Variants in CACNA2D3 observed in about 807,000 individuals in gnomAD.
CACNA2D3 encodes the protein calcium voltage-gated channel auxiliary subunit alpha2delta 3.
In CACNA2D3, 60 loss-of-function variants were observed where a neutral mutation model predicts 160.6. The ratio of observed to expected loss-of-function variants is 0.37; its 90% CI spans 0.30 to 0.46. The LOEUF (loss-of-function observed/expected upper bound fraction) is 0.46, where lower values mean the gene tolerates loss of function less well. Among genes scored for constraint, CACNA2D3 ranks in the 20% least tolerant of loss-of-function variants. The pLI is 1.00. For synonymous variants in CACNA2D3, 558 were observed against 492.9 expected (o/e 1.13, Z -1.75); for missense variants, 1,205 against 1,365.0 (o/e 0.88, Z 1.85).
At chr3:54,729,209 C>T (rs1417391279) in intron 11 of CACNA2D3, among the ~76,000 whole-genome samples, 1 of 152,170 alleles carries the variant, frequency 6.6e-6, no homozygotes, top group Non-Finnish European at 1.5e-5. Context: ...GTGTGAGCCA[C>T]TGCACCCAGC....
At chr3:54,950,880 G>A (rs1701741246) in intron 27 of CACNA2D3, among the ~76,000 whole-genome samples, 1 of 152,178 alleles carries the variant, frequency 6.6e-6, no homozygotes, top group Non-Finnish European at 1.5e-5. Context: ...CAGGAGAGGA[G>A]AGCCACAGAC....
intron 5 of CACNA2D3, among the ~76,000 whole-genome samples, chr3:54,555,439 C>G (rs1702228538): frequency 6.6e-6 from 1 of 152,024 alleles, no homozygotes; most frequent in South Asian, 2.1e-4. Context: ...AGAGAAGACC[C>G]TATGTAGCAT....
intron 4 of CACNA2D3, among the ~76,000 whole-genome samples, chr3:54,465,379 G>C (rs1393971477): frequency 2.0e-5 from 3 of 152,028 alleles, no homozygotes; most frequent in Non-Finnish European, 4.4e-5. Context: ...TACAGTAATT[G>C]CTATAATTGT....
intron 17 of CACNA2D3, among the ~76,000 whole-genome samples, chr3:54,857,759 C>G (rs1364490915): frequency 6.6e-6 from 1 of 152,206 alleles, no homozygotes; most frequent in Non-Finnish European, 1.5e-5. Context: ...TAGACTAGAG[C>G]TTCAAATGCA....
At chr3:55,072,337 A>T (rs1575462812) in intron 35 of CACNA2D3, among the ~76,000 whole-genome samples, 1 of 148,002 alleles carries the variant, frequency 6.8e-6, no homozygotes, top group South Asian at 2.1e-4. Context: ...TTCATGGATC[A>T]TTCTCATGGA....
rs1345234859 is a variant in CACNA2D3, at chr3:54,959,247, G to A, written c.2450-9203G>A. Among the ~76,000 whole-genome samples, 4 of 152,312 alleles carry A rather than the reference G, an allele frequency of 2.6e-5. No homozygotes were observed. The East Asian group carries it at 7.8e-4, about 30-fold the overall frequency. On this transcript the variant is annotated intron_variant, in intron 27 of 37. Coordinates refer to ENST00000474759, the MANE Select transcript of CACNA2D3 (RefSeq NM_018398.3). ...TCCCTGGAGACTGCGGCACAGGGTG[G>A]TGTTCAGTTCACCACAGTTCCCTGT...
chr3:54,163,256 C>T (rs1435238497), intron 2 of CACNA2D3, among the ~76,000 whole-genome samples: 1 of 152,194 alleles, frequency 6.6e-6, no homozygotes, highest in East Asian at 1.9e-4. Flanking sequence ...TGTCCTACAA[C>T]AGCTAATTGT....
intron 10 of CACNA2D3, among the ~76,000 whole-genome samples, chr3:54,636,146 T>A (rs1158683215): frequency 6.6e-6 from 1 of 151,754 alleles, no homozygotes; most frequent in Non-Finnish European, 1.5e-5. Context: ...GGAAAGGAAA[T>A]GAGAGGTTCT....
At chr3:54,853,569 A>C (rs774815333) in intron 17 of CACNA2D3, among the ~76,000 whole-genome samples, 1 of 152,146 alleles carries the variant, frequency 6.6e-6, no homozygotes, top group Admixed American at 6.5e-5. Context: ...GTCCAGCACT[A>C]TGCTATTTAA....
intron 27 of CACNA2D3, among the ~76,000 whole-genome samples, chr3:54,937,002 G>A (rs1223135442): frequency 6.6e-6 from 1 of 152,142 alleles, no homozygotes; most frequent in East Asian, 1.9e-4. Context: ...AGGCAGCTGA[G>A]TGCCGCTGTG....
intron 2 of CACNA2D3, among the ~76,000 whole-genome samples, chr3:54,129,094 T>C (rs997808571): frequency 1.1e-4 from 14 of 125,412 alleles, no homozygotes; most frequent in Non-Finnish European, 2.2e-4. Flanking sequence ...GGATGCTTGA[T>C]TTTTTGTGAT....
At position 54,598,948 on chromosome 3, in the gene CACNA2D3, T is replaced by C. The variant is rs373183373; in HGVS notation, c.963+17071T>C. Among the ~76,000 whole-genome samples the C allele has an allele frequency of 3.2e-4, 49 of 152,294 alleles. 1 individual carries two copies. The highest frequency in any genetic ancestry group is 1.1e-3 in the African/African-American group (47 of 41,574). ...CTGGGTTTTCGTGGCCAGCATCTAA[T>C]GTCCAAAGAATTCTGGTTTTACACT... On this transcript the variant is annotated intron_variant, in intron 9 of 37. Transcript: ENST00000474759.
intron 2 of CACNA2D3, among the ~76,000 whole-genome samples, chr3:54,124,060 A>G (rs1273202854): frequency 6.6e-6 from 1 of 152,184 alleles, no homozygotes; most frequent in African/African-American, 2.4e-5. Context: ...GTACAATCCC[A>G]TTATTCCCCA....
At chr3:54,522,038 A>G (rs1418289120) in intron 5 of CACNA2D3, among the ~76,000 whole-genome samples, 1 of 152,172 alleles carries the variant, frequency 6.6e-6, no homozygotes, top group Non-Finnish European at 1.5e-5. Context: ...TTGCAATTCT[A>G]CATGTATTTT....
chr3:54,878,126 G>A (rs1699707331), intron 18 of CACNA2D3, among the ~76,000 whole-genome samples: 1 of 152,174 alleles, frequency 6.6e-6, no homozygotes, highest in Non-Finnish European at 1.5e-5. Context: ...TAGGTTGCTT[G>A]CTAGTGTTGC....
At chr3:54,486,153 A>C (rs78158401) in intron 4 of CACNA2D3, among the ~76,000 whole-genome samples, 3,108 of 152,310 alleles carry the variant, frequency 0.02, 84 homozygotes, top group East Asian at 0.11. Context: ...ACTAGTGCAA[A>C]CACCTGGAGA....
At chr3:54,296,143 C>T (rs1022057257) in intron 2 of CACNA2D3, among the ~76,000 whole-genome samples, 7 of 152,218 alleles carry the variant, frequency 4.6e-5, no homozygotes, top group Admixed American at 1.3e-4. Flanking sequence ...ATGGCAAGGC[C>T]GGGATGACAT....
Position 54,857,314 on chromosome 3 carries a change from G to A in CACNA2D3, c.1626+10847G>A, listed in dbSNP as rs370891020. On this transcript the variant is annotated intron_variant, in intron 17 of 37. Coordinates refer to ENST00000474759, the MANE Select transcript of CACNA2D3 (RefSeq NM_018398.3). ...GTGAAGTCGTTGCTGGTACTGCCCC[G>A]TTTCCTCCACTCTGCTCTGACCATT... 1.2e-3 allele frequency among the ~76,000 whole-genome samples: 183 copies of A among 152,208 alleles called. 1 individual carries two copies. Among genetic ancestry groups the A allele is most frequent in the African/African-American group, 2.8e-3 (118 of 41,460 alleles).
intron 27 of CACNA2D3, among the ~76,000 whole-genome samples, chr3:54,935,065 C>T (rs1701296125): frequency 6.6e-6 from 1 of 152,212 alleles, no homozygotes; most frequent in Admixed American, 6.5e-5. Flanking sequence ...GCAGTTTTCT[C>T]ATCACCTTGA....
Sources: gnomAD v4.1 joint callset for allele counts (sites outside exome capture counted in the v4.1 genomes callset) on GRCh38, gnomAD v4.1.1 for gene constraint, MANE v1.5 for transcripts, NCBI Gene and HGNC (gene_info 2026-07-23, HGNC 2026-07-21) for gene names.